The following CRYBG1 variants were observed in gnomAD, a reference collection of about 807,000 sequenced individuals.
CRYBG1 encodes the protein crystallin beta-gamma domain containing 1.
A neutral mutation model predicts 189.2 loss-of-function variants in CRYBG1; 139 were observed. That is an observed-to-expected ratio of 0.73 (90% CI 0.64 to 0.85). The LOEUF is 0.85. CRYBG1 is among the 40% of genes least tolerant of loss of function. The probability of loss-of-function intolerance (pLI) is 0.00; values close to 1 mark genes in which losing one functional copy is unlikely to be tolerated. For missense variants in CRYBG1, 2,611 were observed against 2,675.8 expected (o/e 0.98, Z 0.53); for synonymous variants, 1,023 against 1,017.1 (o/e 1.01, Z -0.11).
At chr6:106,451,970 T>C (rs772119634) in intron 2 of CRYBG1, 138 bp downstream of exon 2, 15 of 369,806 alleles carry the variant, frequency 4.1e-5, no homozygotes, top group East Asian at 6.2e-5. Context: ...ATATATCATA[T>C]GTAATATATG....
intron 1 of CRYBG1, among the ~76,000 whole-genome samples, chr6:106,375,028 AC>A (rs1288715701): frequency 3.9e-5 from 6 of 152,110 alleles, no homozygotes; most frequent in Admixed American, 3.3e-4. Context: ...GGGGGGCATA[AC>A]CTTTTTGATG....
chr6:106,365,777 G>T (rs1170800169), intron 1 of CRYBG1, among the ~76,000 whole-genome samples: 3 of 151,624 alleles, frequency 2.0e-5, no homozygotes, highest in Non-Finnish European at 4.4e-5. Flanking sequence ...CTGCAGGAGA[G>T]CCAAATTCAA....
chr6:106,517,435 C>CACACATATAAAT (rs1773462792), intron 3 of CRYBG1, among the ~76,000 whole-genome samples: 1 of 124,312 alleles, frequency 8.0e-6, no homozygotes, highest in African/African-American at 3.4e-5. Context: ...TATATACACA[C>CACACATATAAAT]ACACATATAT....
intron 20 of CRYBG1, among the ~76,000 whole-genome samples, chr6:106,562,280 A>AC (rs1350238043): frequency 6.6e-6 from 1 of 152,212 alleles, no homozygotes; most frequent in African/African-American, 2.4e-5. Flanking sequence ...GCATAGAAGA[A>AC]CTAGCAGGAG....
chr6:106,565,865 AT>A (rs1273727654), intron 21 of CRYBG1, among the ~76,000 whole-genome samples: 1 of 152,192 alleles, frequency 6.6e-6, no homozygotes, highest in Admixed American at 6.5e-5. Context: ...GATAAACTTT[AT>A]TGCACTAGAG....
chr6:106,447,671 AAACATTTATT>A (rs1282502134), intron 1 of CRYBG1, among the ~76,000 whole-genome samples: 1 of 152,000 alleles, frequency 6.6e-6, no homozygotes, highest in African/African-American at 2.4e-5. Context: ...TTCCTGTTGC[AAACATTTATT>A]AAGGTTGGCT....
intron 1 of CRYBG1, among the ~76,000 whole-genome samples, chr6:106,409,072 G>A (rs1770877712): frequency 6.6e-6 from 1 of 152,208 alleles, no homozygotes; most frequent in Non-Finnish European, 1.5e-5. Context: ...AGGAAGAGGG[G>A]AAGTCAAATC....
rs558405890 is a variant in CRYBG1, at chr6:106,553,594, C to T, written c.5585+27C>T. ...TAAGTGAAACAAAGGCCTGGCAGAG[C>T]TGAATCACTGGAGTAAAACAGAATT... On this transcript the variant is annotated intron_variant, in intron 16 of 21. Transcript: ENST00000633556. 3 of 1,414,188 alleles carry T rather than the reference C, an allele frequency of 2.1e-6. No homozygotes were observed. The East Asian group carries it at 6.8e-5, about 32-fold the overall frequency. The allele number at this position is 1,414,188 out of a possible 1,614,324, so 87.6% of individuals were successfully genotyped here. A position where few individuals can be genotyped will look rare whatever the true frequency, so the allele number is the denominator to read the frequency against.
chr6:106,469,003 C>G (rs1274220449), intron 2 of CRYBG1, among the ~76,000 whole-genome samples: 1 of 152,216 alleles, frequency 6.6e-6, no homozygotes. Context: ...CTTTCACACA[C>G]TTGGAAGAGA....
intron 1 of CRYBG1, among the ~76,000 whole-genome samples, chr6:106,393,489 C>T (rs1444700964): frequency 1.3e-5 from 2 of 152,154 alleles, no homozygotes; most frequent in African/African-American, 2.4e-5. Context: ...CTGCAGGGGG[C>T]ACTTCCAGGC....
At chr6:106,361,160 G>T (rs1331835343) in intron 1 of CRYBG1, 79 bp downstream of exon 1, 3 of 1,437,428 alleles carry the variant, frequency 2.1e-6, no homozygotes, top group Non-Finnish European at 2.8e-6. Flanking sequence ...TTGGACTCCT[G>T]ACCCCACTTG....
chr6:106,416,619 G>T (rs1051055691), intron 1 of CRYBG1, among the ~76,000 whole-genome samples: 1 of 152,224 alleles, frequency 6.6e-6, no homozygotes, highest in Non-Finnish European at 1.5e-5. Context: ...ATTTTGAGAT[G>T]AGGAGGAAAG....
chr6:106,401,196 G>A (rs1770712909), intron 1 of CRYBG1, among the ~76,000 whole-genome samples: 1 of 152,144 alleles, frequency 6.6e-6, no homozygotes, highest in Non-Finnish European at 1.5e-5. Flanking sequence ...AACCTACAGA[G>A]CAAATAATAG....
At chr6:106,433,168 C>T (rs1260629476) in intron 1 of CRYBG1, among the ~76,000 whole-genome samples, 1 of 152,142 alleles carries the variant, frequency 6.6e-6, no homozygotes. Context: ...CTAATATTAT[C>T]GCTCTCTGTT....
chr6:106,422,344 A>ATTTATTTTTTTTTTTTTTT (rs57640822), intron 1 of CRYBG1, among the ~76,000 whole-genome samples: 46 of 139,986 alleles, frequency 3.3e-4, no homozygotes, highest in East Asian at 1.3e-3. Context: ...TTATTTATTT[A>ATTTATTTTTTTTTTTTTTT]TTTTTGAGAC....
intron 1 of CRYBG1, among the ~76,000 whole-genome samples, chr6:106,448,836 G>A (rs6909777): frequency 0.84 from 127,119 of 151,734 alleles, 53,286 homozygotes; most frequent in East Asian, 0.93. Flanking sequence ...TCCAGTGATC[G>A]GTTTAGTGCA....
intron 2 of CRYBG1, among the ~76,000 whole-genome samples, chr6:106,466,663 A>G (rs1772119849): frequency 6.6e-6 from 1 of 152,234 alleles, no homozygotes; most frequent in Non-Finnish European, 1.5e-5. Context: ...ATTTAGTTGC[A>G]TTTAATACTG....
chr6:106,437,742 T>G (rs530577372), intron 1 of CRYBG1, among the ~76,000 whole-genome samples: 3 of 152,374 alleles, frequency 2.0e-5, no homozygotes, highest in South Asian at 4.1e-4. Flanking sequence ...TAGCCTTTCT[T>G]TTTTATTTCT....
intron 8 of CRYBG1, among the ~76,000 whole-genome samples, chr6:106,531,891 A>T (rs1304422651): frequency 6.6e-6 from 1 of 152,158 alleles, no homozygotes; most frequent in Non-Finnish European, 1.5e-5. Context: ...GACTATAGTG[A>T]TGGTTCGTCA....
Sources: allele counts gnomAD v4.1 joint callset (sites outside exome capture counted in the v4.1 genomes callset), GRCh38; gene constraint gnomAD v4.1.1; transcripts MANE v1.5; gene names NCBI Gene and HGNC (gene_info 2026-07-23, HGNC 2026-07-21).